DYNC2H1: variants seen among roughly 807,000 people sequenced by gnomAD.
The protein encoded by DYNC2H1 is cytoplasmic dynein 2 heavy chain 1.
A neutral mutation model predicts 570.0 loss-of-function variants in DYNC2H1; 410 were observed. The observed-to-expected ratio is 0.72, with a 90% CI of 0.66 to 0.78. DYNC2H1 has a LOEUF of 0.78. Among genes scored for constraint, DYNC2H1 ranks in the 30% least tolerant of loss-of-function variants. DYNC2H1 has a pLI of 0.00. For synonymous variants in DYNC2H1, 1,688 were observed against 1,677.6 expected, an observed-to-expected ratio of 1.01 and a Z score of -0.15; for missense variants, 4,865 against 5,046.4, an observed-to-expected ratio of 0.96 and a Z score of 1.09.
At position 103,187,536 on chromosome 11, in the gene DYNC2H1, C is replaced by A. The variant is rs376676443; in HGVS notation, c.7090C>A (p.Pro2364Thr). The A allele has an allele frequency of 2.2e-5, 36 of 1,613,090 alleles. No homozygotes were observed. The highest frequency in any genetic ancestry group is 2.9e-5 in the Non-Finnish European group (34 of 1,179,434). ...TCTGTACTTAAAAGATATCAACCTA[C>A]CTAAACTTGATAAATGGGGGACCAG... ...LVLYLKDINLPKLDKWGTSTL... is the reference protein window; with the variant it reads ...LVLYLKDINLTKLDKWGTSTL... The change falls in exon 43 of 89, where the codon CCT becomes ACT. Residue 2364 changes from proline to threonine, a missense_variant. Around this residue, in one of 5 missense-constraint regions of DYNC2H1, gnomAD observed 2,401 missense variants for 2,454.6 expected, o/e 0.98. Transcript: ENST00000375735.
At chr11:103,455,713 T>G (rs1774401743) in intron 86 of DYNC2H1, among the ~76,000 whole-genome samples, 1 of 152,104 alleles carries the variant, frequency 6.6e-6, no homozygotes, top group African/African-American at 2.4e-5. Context: ...ATGAAAATAT[T>G]TTTATCTTCG....
At chr11:103,180,032 T>C (rs1482337082) in intron 39 of DYNC2H1, among the ~76,000 whole-genome samples, 1 of 151,702 alleles carries the variant, frequency 6.6e-6, no homozygotes, top group Non-Finnish European at 1.5e-5. Context: ...AATTATTTAG[T>C]TGTTTACTTT....
intron 85 of DYNC2H1, among the ~76,000 whole-genome samples, chr11:103,440,426 A>T (rs940475146): frequency 6.6e-6 from 1 of 152,078 alleles, no homozygotes; most frequent in Non-Finnish European, 1.5e-5. Flanking sequence ...AACTCCACTC[A>T]GTTTTTTTGC....
chr11:103,123,035 A>C (rs2134724769), intron 11 of DYNC2H1, 35 bp downstream of exon 11: 2 of 1,285,664 alleles, frequency 1.6e-6, no homozygotes, highest in Admixed American at 3.6e-5. Flanking sequence ...AAAATCCAAA[A>C]CCATATGTTA....
At chr11:103,318,246 A>G (rs2135431389) in intron 80 of DYNC2H1, among the ~76,000 whole-genome samples, 1 of 152,292 alleles carries the variant, frequency 6.6e-6, no homozygotes, top group South Asian at 2.1e-4. Context: ...ATCAAGAAAC[A>G]GAACATTATA....
In DYNC2H1 at chr11:103,439,668, A is replaced by G. The variant is rs1369914223; in HGVS notation, c.12456+3636A>G. 6.6e-6 allele frequency among the ~76,000 whole-genome samples: 1 copy of G among 152,054 alleles called. No individual in the cohort carries two copies. The highest frequency in any genetic ancestry group is 1.5e-5 in the Non-Finnish European group (1 of 68,000). ...TAGGTATCCAAGGAACCTGAGCCACAGAGAGTCTTGCAGGCAGCCTTGCAT... is the reference window on the plus strand; with the variant it reads ...TAGGTATCCAAGGAACCTGAGCCACGGAGAGTCTTGCAGGCAGCCTTGCAT... On this transcript the variant is annotated intron_variant, in intron 85 of 88. Coordinates refer to ENST00000375735, the MANE Select transcript of DYNC2H1 (RefSeq NM_001377.3). This position sits in a 1 kb window ranked among gnomAD's most constrained non-coding sequence, Gnocchi z 4.1.
At chr11:103,121,991 T>C (rs1858744094) in intron 10 of DYNC2H1, among the ~76,000 whole-genome samples, 1 of 152,158 alleles carries the variant, frequency 6.6e-6, no homozygotes, top group Non-Finnish European at 1.5e-5. Flanking sequence ...TGCAAAGTCT[T>C]ACCTGCAAGT....
chr11:103,215,954 A>G (rs902996159), intron 55 of DYNC2H1, 96 bp downstream of exon 55: 2 of 1,414,924 alleles, frequency 1.4e-6, no homozygotes, highest in African/African-American at 1.4e-5. Context: ...GGTGGATTTA[A>G]AAAATATTGC....
intron 84 of DYNC2H1, among the ~76,000 whole-genome samples, chr11:103,417,746 C>T (rs1017014206): frequency 6.6e-6 from 1 of 151,830 alleles, no homozygotes; most frequent in Non-Finnish European, 1.5e-5. Context: ...CATGATGGCA[C>T]GTGCCTGTAA....
intron 12 of DYNC2H1, 121 bp from the exon 13 acceptor site, chr11:103,128,789 A>G: frequency 1.2e-6 from 1 of 868,658 alleles, no homozygotes; most frequent in Non-Finnish European, 1.7e-6. Context: ...TGGAGATGAA[A>G]AACCAATTTT....
chr11:103,127,366 C>T (rs1859053838), intron 12 of DYNC2H1, among the ~76,000 whole-genome samples: 1 of 152,062 alleles, frequency 6.6e-6, no homozygotes, highest in Admixed American at 6.6e-5. Flanking sequence ...GTGTATAAAG[C>T]AGAATGTTGG....
rs756487306 is a variant in DYNC2H1, at chr11:103,156,785, G to A, written c.4127+15G>A. On this transcript the variant is annotated intron_variant, in intron 26 of 88. Transcript: ENST00000375735. ...GAAGATTTTAGGTCAGTACAATGAT[G>A]TAAGACATAGACACATATGGTATTT... The A allele has an allele frequency of 1.3e-6, 2 of 1,589,794 alleles. No homozygotes were observed. The highest frequency in any genetic ancestry group is 1.7e-6 in the Non-Finnish European group (2 of 1,174,534).
At chr11:103,436,816 A>G (rs1384079) in intron 85 of DYNC2H1, among the ~76,000 whole-genome samples, 14,454 of 152,070 alleles carry the variant, frequency 0.095, 797 homozygotes, top group African/African-American at 0.16. Context: ...TCAGTTCTCT[A>G]TCACTTTCTT....
chr11:103,350,090 ATG>A (rs1210173817), intron 82 of DYNC2H1, among the ~76,000 whole-genome samples: 1 of 152,070 alleles, frequency 6.6e-6, no homozygotes, highest in Non-Finnish European at 1.5e-5. Flanking sequence ...ATACATCTTG[ATG>A]TGTTTGGTGA....
In DYNC2H1 at chr11:103,220,713, A is replaced by C. The variant is rs1250296341; in HGVS notation, c.9037A>C (p.Ile3013Leu). 8.1e-6 allele frequency: 13 copies of C among 1,613,056 alleles called. No individual in the cohort carries two copies. The highest frequency in any genetic ancestry group is 2.7e-5 in the African/African-American group (2 of 74,910). The change falls in exon 57 of 89, where the codon ATT becomes CTT. Residue 3013 changes from isoleucine (I) to leucine (L), a missense_variant. Transcript: ENST00000375735. ...CTCACTACGCATGCCACCTGATGTA[A>C]TTAGAGATATTCTTGAAGGAGTTTT... ...IRSLRMPPDVIRDILEGVLRL... is the reference protein window; with the variant it reads ...IRSLRMPPDVLRDILEGVLRL...
intron 75 of DYNC2H1, among the ~76,000 whole-genome samples, chr11:103,297,758 A>G (rs897112538): frequency 6.6e-6 from 1 of 152,100 alleles, no homozygotes; most frequent in African/African-American, 2.4e-5. Flanking sequence ...TCAATCTACC[A>G]TCAAATTCTT....
chr11:103,130,359 CT>C (rs774906982), intron 13 of DYNC2H1, among the ~76,000 whole-genome samples: 3 of 152,096 alleles, frequency 2.0e-5, no homozygotes, highest in East Asian at 1.9e-4. Flanking sequence ...TTAAGCAGGT[CT>C]TTTGAAGGAT....
intron 74 of DYNC2H1, 111 bp downstream of exon 74, chr11:103,286,497 C>T (rs1866357756): frequency 4.7e-6 from 6 of 1,266,520 alleles, no homozygotes; most frequent in East Asian, 4.8e-5. Flanking sequence ...CCTTTAATGG[C>T]GTATTTGGGG....
intron 12 of DYNC2H1, among the ~76,000 whole-genome samples, chr11:103,128,220 G>A (rs1859092038): frequency 6.6e-6 from 1 of 152,166 alleles, no homozygotes; most frequent in Non-Finnish European, 1.5e-5. Flanking sequence ...TTATTCTCAG[G>A]TGTATTGGGA....
Sources: allele counts gnomAD v4.1 joint callset (sites outside exome capture counted in the v4.1 genomes callset), GRCh38; gene constraint gnomAD v4.1.1; regional missense constraint gnomAD v4.1.1; non-coding constraint Gnocchi (gnomAD v3.1); transcripts MANE v1.5; gene names NCBI Gene and HGNC (gene_info 2026-07-23, HGNC 2026-07-21).